The following GSDMC variants were observed in gnomAD, a reference collection of about 807,000 sequenced individuals.
GSDMC encodes the protein gasdermin-C.
Under a neutral mutation model 58.0 loss-of-function variants are expected in GSDMC, and 59 were observed. That is an observed-to-expected ratio of 1.02 (90% CI 0.82 to 1.26). GSDMC has a LOEUF of 1.26. Among genes scored for constraint, GSDMC ranks in the 50% most tolerant of loss-of-function variants. The probability of loss-of-function intolerance (pLI) is 0.00; values close to 1 mark genes in which losing one functional copy is unlikely to be tolerated. For missense variants in GSDMC, 659 were observed against 598.5 expected, an observed-to-expected ratio of 1.10 and a Z score of -1.06; for synonymous variants, 241 against 220.2, an observed-to-expected ratio of 1.09 and a Z score of -0.83.
chr8:129,709,239 A>G, the GSDMC span, among the ~76,000 whole-genome samples: 15 of 151,948 alleles, frequency 9.9e-5, no homozygotes, highest in East Asian at 2.9e-3. Context: ...AGCTGGCTGA[A>G]TGCTACTGTG....
At chr8:129,783,656 TCCATA>T (rs1258937942) in intron 1 of GSDMC, among the ~76,000 whole-genome samples, 1 of 152,176 alleles carries the variant, frequency 6.6e-6, no homozygotes, top group Admixed American at 6.5e-5. Context: ...TGTTAAAATG[TCCATA>T]CTATCCAAAG....
At chr8:129,737,286 A>C in the GSDMC span, among the ~76,000 whole-genome samples, 35 of 152,206 alleles carry the variant, frequency 2.3e-4, no homozygotes, top group African/African-American at 8.0e-4. Context: ...ATTGGAAAAA[A>C]CTACTTTAAA....
chr8:129,746,838 G>A (rs2032972417), downstream of GSDMC, among the ~76,000 whole-genome samples: 1 of 152,154 alleles, frequency 6.6e-6, no homozygotes. Flanking sequence ...CAAGAACAAA[G>A]GCAAGAGGCA....
chr8:129,776,318 C>T (rs373639058), intron 2 of GSDMC, 33 bp from the exon 3 acceptor site: 29 of 1,515,134 alleles, frequency 1.9e-5, no homozygotes, highest in African/African-American at 2.8e-5. Flanking sequence ...TAGGTTTAGC[C>T]AAGAATTCAT....
At chr8:129,715,721 G>A in the GSDMC span, among the ~76,000 whole-genome samples, 2 of 152,054 alleles carry the variant, frequency 1.3e-5, no homozygotes, top group Non-Finnish European at 2.9e-5. Context: ...GATATCAGAC[G>A]GAAATGTGGA....
At chr8:129,751,994 C>G in intron 8 of GSDMC, 103 bp from the exon 9 acceptor site, 1 of 1,454,190 alleles carries the variant, frequency 6.9e-7, no homozygotes, top group South Asian at 1.1e-5. Flanking sequence ...TCTGTTCCTG[C>G]CCTTTTCCCC....
chr8:129,728,853 C>G, the GSDMC span: 1 of 617,618 alleles, frequency 1.6e-6, no homozygotes, highest in Non-Finnish European at 3.1e-6. Context: ...GCTGGAGAGG[C>G]TGTTCGCCTG....
the GSDMC span, among the ~76,000 whole-genome samples, chr8:129,711,305 A>G: frequency 6.6e-6 from 1 of 152,186 alleles, no homozygotes; most frequent in Admixed American, 6.5e-5. Context: ...AGTTGAATTG[A>G]TGGCAGCCTT....
At chr8:129,723,949 C>G in the GSDMC span, among the ~76,000 whole-genome samples, 1 of 152,162 alleles carries the variant, frequency 6.6e-6, no homozygotes, top group Admixed American at 6.5e-5. Flanking sequence ...AGTAAGTGTT[C>G]AATAAATACT....
At chr8:129,743,450 C>T (rs950322120), downstream of GSDMC, among the ~76,000 whole-genome samples, 6 of 151,980 alleles carry the variant, frequency 3.9e-5, no homozygotes, top group Non-Finnish European at 7.4e-5. Context: ...TCTTTTCTTT[C>T]CTCAATAGGC....
the GSDMC span, among the ~76,000 whole-genome samples, chr8:129,709,175 T>C: frequency 0.4 from 59,044 of 147,834 alleles, 16,223 homozygotes; most frequent in African/African-American, 0.76. Flanking sequence ...TCCCCCTTCT[T>C]TTTTTTTTTT....
chr8:129,724,451 ATT>A, the GSDMC span, among the ~76,000 whole-genome samples: 3 of 151,986 alleles, frequency 2.0e-5, no homozygotes, highest in South Asian at 6.2e-4. Context: ...TACAATAACA[ATT>A]TGTTTGCAAT....
chr8:129,764,736 C>T (rs2033797108), intron 4 of GSDMC, among the ~76,000 whole-genome samples: 1 of 152,200 alleles, frequency 6.6e-6, no homozygotes, highest in Admixed American at 6.5e-5. Flanking sequence ...ATGTATACAT[C>T]TACCATATTC....
Position 129,748,462 on chromosome 8 carries a change from G to A in GSDMC, c.*39C>T, listed in dbSNP as rs766839217. 9.9e-5 allele frequency: 154 copies of A among 1,560,626 alleles called. No homozygotes were observed. Among genetic ancestry groups the A allele is most frequent in the Non-Finnish European group, 1.2e-4 (144 of 1,155,998 alleles). Reference sequence around the variant, plus strand: ...GACACTCACAGCATAGACTGGGCGAGGGCCAGCATCTCTGGACTGACTGCC... The same window carrying A: ...GACACTCACAGCATAGACTGGGCGAAGGCCAGCATCTCTGGACTGACTGCC... On this transcript the variant is annotated 3_prime_UTR_variant, in exon 14 of 14. Coordinates refer to ENST00000276708, the MANE Select transcript of GSDMC (RefSeq NM_031415.3).
At chr8:129,738,656 G>T in the GSDMC span, among the ~76,000 whole-genome samples, 1 of 152,124 alleles carries the variant, frequency 6.6e-6, no homozygotes, top group Non-Finnish European at 1.5e-5. Flanking sequence ...GGCCTCTCGT[G>T]GGGTGGGGAG....
At chr8:129,709,772 T>C in the GSDMC span, among the ~76,000 whole-genome samples, 1 of 152,166 alleles carries the variant, frequency 6.6e-6, no homozygotes, top group Non-Finnish European at 1.5e-5. Context: ...TCCAACCCCA[T>C]TAGCCTGTTT....
the GSDMC span, among the ~76,000 whole-genome samples, chr8:129,711,922 T>G: frequency 6.6e-6 from 1 of 152,164 alleles, no homozygotes; most frequent in Non-Finnish European, 1.5e-5. Flanking sequence ...AGTCCAGTTA[T>G]AGTGCCTGTT....
the GSDMC span, among the ~76,000 whole-genome samples, chr8:129,732,673 A>G: frequency 6.6e-6 from 1 of 152,178 alleles, no homozygotes; most frequent in South Asian, 2.1e-4. Context: ...AACACAAAGA[A>G]ACTTCTAAAG....
At chr8:129,732,346 AG>A in the GSDMC span, among the ~76,000 whole-genome samples, 1 of 152,054 alleles carries the variant, frequency 6.6e-6, no homozygotes, top group Non-Finnish European at 1.5e-5. Context: ...GAAAGCCAAA[AG>A]ACCCTACCCA....
Sources: gnomAD v4.1 joint callset for allele counts (sites outside exome capture counted in the v4.1 genomes callset) on GRCh38, gnomAD v4.1.1 for gene constraint, MANE v1.5 for transcripts, NCBI Gene and HGNC (gene_info 2026-07-23, HGNC 2026-07-21) for gene names.